Variants in SKAP1 observed in about 807,000 individuals in gnomAD.
The protein encoded by SKAP1 is src kinase associated phosphoprotein 1, also known as src kinase-associated phosphoprotein 1.
A neutral mutation model predicts 58.5 loss-of-function variants in SKAP1; 44 were observed. The ratio of observed to expected loss-of-function variants is 0.75; its 90% CI spans 0.59 to 0.97. The LOEUF is 0.97. SKAP1 is among the 50% of genes least tolerant of loss of function. The pLI, the probability that SKAP1 is intolerant of heterozygous loss-of-function variation, is 0.00. For synonymous variants in SKAP1, 127 were observed against 149.7 expected, an observed-to-expected ratio of 0.85 and a Z score of 1.11; for missense variants, 390 against 435.2, an observed-to-expected ratio of 0.90 and a Z score of 0.92.
intron 1 of SKAP1, among the ~76,000 whole-genome samples, chr17:48,405,474 C>T (rs530679055): frequency 7.9e-5 from 10 of 126,586 alleles, no homozygotes; most frequent in African/African-American, 2.9e-4. Context: ...TTCCTTCCTT[C>T]CTTCTTTCTT....
chr17:48,391,602 G>C (rs1043386344), intron 2 of SKAP1, among the ~76,000 whole-genome samples: 1 of 152,180 alleles, frequency 6.6e-6, no homozygotes, highest in Non-Finnish European at 1.5e-5. Context: ...CTGATGAGTT[G>C]AGTAATAATG....
At chr17:48,372,954 C>T (rs968046770) in intron 2 of SKAP1, among the ~76,000 whole-genome samples, 1 of 152,194 alleles carries the variant, frequency 6.6e-6, no homozygotes, top group African/African-American at 2.4e-5. Context: ...CAGCCCAGGA[C>T]TACTATTATC....
chr17:48,370,297 T>C (rs967052947), intron 2 of SKAP1, among the ~76,000 whole-genome samples: 1 of 152,052 alleles, frequency 6.6e-6, no homozygotes, highest in Non-Finnish European at 1.5e-5. Flanking sequence ...CCAATCAGAA[T>C]GGCTATCATT....
At chr17:48,249,545 G>A (rs1415385769) in intron 4 of SKAP1, among the ~76,000 whole-genome samples, 1 of 151,990 alleles carries the variant, frequency 6.6e-6, no homozygotes, top group East Asian at 1.9e-4. Context: ...CTGGTGGCGT[G>A]TGCCTGTAGT....
At chr17:48,337,135 C>A (rs2066583113) in intron 4 of SKAP1, among the ~76,000 whole-genome samples, 1 of 152,118 alleles carries the variant, frequency 6.6e-6, no homozygotes, top group Admixed American at 6.5e-5. Context: ...TCCATATAAT[C>A]TTTCTTTCCT....
chr17:48,169,769 G>T (rs1396755153), intron 10 of SKAP1, among the ~76,000 whole-genome samples: 1 of 152,188 alleles, frequency 6.6e-6, no homozygotes, highest in Non-Finnish European at 1.5e-5. Flanking sequence ...AATAGGAAAA[G>T]ACAGGGCTAG....
At chr17:48,274,509 C>T (rs2065674453) in intron 4 of SKAP1, among the ~76,000 whole-genome samples, 1 of 152,018 alleles carries the variant, frequency 6.6e-6, no homozygotes, top group African/African-American at 2.4e-5. Flanking sequence ...CCAGACTCAC[C>T]AACATGGAGA....
chr17:48,389,982 T>C (rs962559527), intron 2 of SKAP1, among the ~76,000 whole-genome samples: 1 of 152,202 alleles, frequency 6.6e-6, no homozygotes, highest in African/African-American at 2.4e-5. Context: ...CCAAACAACA[T>C]TTTGGGTAAG....
At chr17:48,157,213 G>A (rs1349100675) in intron 11 of SKAP1, among the ~76,000 whole-genome samples, 1 of 150,750 alleles carries the variant, frequency 6.6e-6, no homozygotes, top group Non-Finnish European at 1.5e-5. Flanking sequence ...CAGGTGATGG[G>A]CACTTGGTTA....
At chr17:48,293,249 A>G (rs1232689389) in intron 4 of SKAP1, among the ~76,000 whole-genome samples, 1 of 152,220 alleles carries the variant, frequency 6.6e-6, no homozygotes, top group Non-Finnish European at 1.5e-5. Context: ...TTTATATTCA[A>G]TAAATAAATA....
At chr17:48,288,785 A>G (rs1014860528) in intron 4 of SKAP1, among the ~76,000 whole-genome samples, 9 of 152,254 alleles carry the variant, frequency 5.9e-5, no homozygotes, top group African/African-American at 2.2e-4. Context: ...GTCTACCTAA[A>G]GGCAAGCAAG....
At chr17:48,336,725 TG>T (rs1271686956) in intron 4 of SKAP1, among the ~76,000 whole-genome samples, 7 of 152,118 alleles carry the variant, frequency 4.6e-5, no homozygotes, top group Admixed American at 3.3e-4. Flanking sequence ...GTAAGAATGA[TG>T]TGAATTCATT....
intron 4 of SKAP1, among the ~76,000 whole-genome samples, chr17:48,342,114 T>C (rs1272569617): frequency 7.9e-5 from 12 of 152,352 alleles, no homozygotes; most frequent in Non-Finnish European, 8.8e-5. Flanking sequence ...TTGAGCTTTG[T>C]AGTTGCCTGG....
intron 4 of SKAP1, among the ~76,000 whole-genome samples, chr17:48,190,841 C>T (rs969122229): frequency 1.3e-5 from 2 of 151,930 alleles, no homozygotes; most frequent in East Asian, 1.9e-4. Context: ...AAAAATTAGC[C>T]GGGCATGGTG....
rs2066697715 is a variant in SKAP1 at position 48,344,625 on chromosome 17, AC to A, written c.280+1279del. ...AATTTTCTACAATTATTAATCAGCT[AC>A]CAATGTAATTATTAAACTTTCAATC... On this transcript the variant is annotated intron_variant, in intron 4 of 12. Transcript: ENST00000336915. 4.6e-5 allele frequency among the ~76,000 whole-genome samples: 7 copies of A among 152,346 alleles called. No homozygotes were observed. In the South Asian group the frequency reaches 1.4e-3, roughly 32 times the overall value.
At chr17:48,242,322 G>A (rs2065251652) in intron 4 of SKAP1, among the ~76,000 whole-genome samples, 1 of 152,174 alleles carries the variant, frequency 6.6e-6, no homozygotes, top group Non-Finnish European at 1.5e-5. Flanking sequence ...TCTGCCGGAG[G>A]AGAATGGACT....
intron 4 of SKAP1, chr17:48,308,058 T>C (rs1335203556): frequency 1.3e-5 from 2 of 152,200 alleles, no homozygotes; most frequent in African/African-American, 4.8e-5. Context: ...TTTGCTGAGT[T>C]CTCCAGGCGG....
intron 9 of SKAP1, among the ~76,000 whole-genome samples, chr17:48,174,398 A>G (rs371441951): frequency 6.6e-6 from 1 of 152,210 alleles, no homozygotes; most frequent in East Asian, 1.9e-4. Flanking sequence ...CACCATTCAC[A>G]GCTGGTTGTG....
At chr17:48,397,027 G>A in intron 1 of SKAP1, 1 of 234,372 alleles carries the variant, frequency 4.3e-6, no homozygotes, top group Non-Finnish European at 7.0e-6. Context: ...TTTATATTTT[G>A]TATATGTTAC....
Sources: gnomAD v4.1 joint callset for allele counts (sites outside exome capture counted in the v4.1 genomes callset) on GRCh38, gnomAD v4.1.1 for gene constraint, MANE v1.5 for transcripts, NCBI Gene and HGNC (gene_info 2026-07-23, HGNC 2026-07-21) for gene names.